The following ATP8A2 variants were observed in gnomAD, a reference collection of about 807,000 sequenced individuals.
The protein encoded by ATP8A2 is ATPase phospholipid transporting 8A2.
In ATP8A2, 100 loss-of-function variants were observed where a neutral mutation model predicts 165.6. The observed-to-expected ratio is 0.60, with a 90% CI of 0.51 to 0.71. The LOEUF (loss-of-function observed/expected upper bound fraction) is 0.71, where lower values mean the gene tolerates loss of function less well. Among genes scored for constraint, ATP8A2 ranks in the 30% least tolerant of loss-of-function variants. The pLI is 0.00. For missense variants in ATP8A2, 1,227 were observed against 1,479.5 expected, an observed-to-expected ratio of 0.83 and a Z score of 2.80; for synonymous variants, 543 against 548.8, an observed-to-expected ratio of 0.99 and a Z score of 0.15.
chr13:25,892,820 G>T (rs1410800872), intron 33 of ATP8A2, among the ~76,000 whole-genome samples: 7 of 144,036 alleles, frequency 4.9e-5, no homozygotes, highest in African/African-American at 1.6e-4. Context: ...TTTTTTTTTC[G>T]CATCAAAATG....
chr13:25,663,372 G>A (rs1330231209), intron 24 of ATP8A2, among the ~76,000 whole-genome samples: 1 of 152,048 alleles, frequency 6.6e-6, no homozygotes, highest in Non-Finnish European at 1.5e-5. Context: ...TTCGATTGCT[G>A]GGCAAATCTC....
At chr13:25,450,742 A>G (rs952934037) in intron 1 of ATP8A2, among the ~76,000 whole-genome samples, 1 of 152,096 alleles carries the variant, frequency 6.6e-6, no homozygotes, top group Non-Finnish European at 1.5e-5. Flanking sequence ...CATGTTAGCC[A>G]GGATGGTCTC....
At chr13:25,580,827 C>T (rs769404766) in intron 22 of ATP8A2, among the ~76,000 whole-genome samples, 1 of 152,184 alleles carries the variant, frequency 6.6e-6, no homozygotes, top group Non-Finnish European at 1.5e-5. Flanking sequence ...AGGTGTGAGC[C>T]ACCATGTCTG....
intron 33 of ATP8A2, among the ~76,000 whole-genome samples, chr13:25,907,704 A>G (rs1953986024): frequency 6.6e-6 from 1 of 152,038 alleles, no homozygotes; most frequent in Non-Finnish European, 1.5e-5. Flanking sequence ...TCTTTTTCCC[A>G]TCTTTGCCAT....
At chr13:25,881,581 GAGAGAGAGAGAGAA>G (rs1425189716) in intron 33 of ATP8A2, among the ~76,000 whole-genome samples, 8 of 150,102 alleles carry the variant, frequency 5.3e-5, no homozygotes, top group Admixed American at 2.6e-4. Flanking sequence ...CCTCCATGGA[GAGAGAGAGAGAGAA>G]AGAGAGAGAG....
At chr13:25,762,549 G>A (rs1253192021) in intron 25 of ATP8A2, among the ~76,000 whole-genome samples, 1 of 152,038 alleles carries the variant, frequency 6.6e-6, no homozygotes, top group Non-Finnish European at 1.5e-5. Flanking sequence ...CTGCTCCTAG[G>A]TCTGTTGTTT....
chr13:25,551,690 G>A (rs1344343599), intron 11 of ATP8A2, among the ~76,000 whole-genome samples, 187 bp downstream of exon 11: 1 of 152,080 alleles, frequency 6.6e-6, no homozygotes, highest in East Asian at 1.9e-4. Context: ...GCACATTTGG[G>A]ACTTGTCTTA....
At chr13:25,530,693 G>T (rs192804534) in intron 4 of ATP8A2, 33 bp downstream of exon 4, 1 of 1,263,282 alleles carries the variant, frequency 7.9e-7, no homozygotes, top group South Asian at 1.3e-5. Context: ...TAAAATCATT[G>T]TATGCAGTAG....
intron 33 of ATP8A2, among the ~76,000 whole-genome samples, chr13:25,912,868 C>T (rs1954159393): frequency 6.6e-6 from 1 of 152,150 alleles, no homozygotes; most frequent in Non-Finnish European, 1.5e-5. Flanking sequence ...GTGGTTATGA[C>T]AGCCCAATCT....
intron 33 of ATP8A2, among the ~76,000 whole-genome samples, chr13:25,883,464 CTG>C (rs1484510141): frequency 6.6e-6 from 1 of 152,130 alleles, no homozygotes; most frequent in Non-Finnish European, 1.5e-5. Context: ...TGATTACAAA[CTG>C]GGGTGTGTGC....
intron 2 of ATP8A2, among the ~76,000 whole-genome samples, chr13:25,519,710 G>C (rs1249498014): frequency 6.6e-6 from 1 of 152,114 alleles, no homozygotes; most frequent in South Asian, 2.1e-4. Flanking sequence ...GCCCCTCCTT[G>C]CTGTGACTAG....
chr13:25,817,071 A>G (rs1357953498), intron 27 of ATP8A2, among the ~76,000 whole-genome samples: 3 of 152,168 alleles, frequency 2.0e-5, no homozygotes, highest in Non-Finnish European at 4.4e-5. Context: ...CAACACCAGG[A>G]GGTTGGAAAC....
chr13:25,718,511 G>A (rs2043304257), intron 25 of ATP8A2, among the ~76,000 whole-genome samples: 1 of 152,140 alleles, frequency 6.6e-6, no homozygotes, highest in Non-Finnish European at 1.5e-5. Context: ...AGAGCCAGTA[G>A]GCTGTTATTT....
intron 36 of ATP8A2, among the ~76,000 whole-genome samples, chr13:26,015,997 G>A (rs1566355383): frequency 6.6e-6 from 1 of 152,202 alleles, no homozygotes; most frequent in Non-Finnish European, 1.5e-5. Context: ...CTGGTTGAGG[G>A]GTGATGGTGT....
At chr13:26,006,036 GCAAA>G (rs565517181) in intron 35 of ATP8A2, among the ~76,000 whole-genome samples, 2 of 151,638 alleles carry the variant, frequency 1.3e-5, no homozygotes, top group South Asian at 2.1e-4. Context: ...TTCTATCTTT[GCAAA>G]CAAACAAACA....
At chr13:25,712,101 A>G (rs563850291) in intron 25 of ATP8A2, among the ~76,000 whole-genome samples, 1 of 152,218 alleles carries the variant, frequency 6.6e-6, no homozygotes, top group South Asian at 2.1e-4. Context: ...TAGTCACCAT[A>G]GTGTACAGGG....
chr13:25,718,623 TA>T (rs1400495877), intron 25 of ATP8A2, among the ~76,000 whole-genome samples: 2 of 152,266 alleles, frequency 1.3e-5, no homozygotes, highest in East Asian at 3.9e-4. Context: ...AACAGAATGC[TA>T]AAGAGCCAGC....
intron 25 of ATP8A2, among the ~76,000 whole-genome samples, chr13:25,737,550 A>G (rs1023638977): frequency 1.1e-4 from 16 of 152,224 alleles, no homozygotes; most frequent in South Asian, 6.2e-4. Flanking sequence ...CCCAGGCTGG[A>G]GTGCAGTGGC....
At chr13:25,540,081 C>T (rs1294906183) in intron 7 of ATP8A2, among the ~76,000 whole-genome samples, 1 of 152,160 alleles carries the variant, frequency 6.6e-6, no homozygotes, top group Admixed American at 6.5e-5. Context: ...GCTCAGCAGT[C>T]ATTATGTGGG....
Sources: gnomAD v4.1 joint callset for allele counts (sites outside exome capture counted in the v4.1 genomes callset) on GRCh38, gnomAD v4.1.1 for gene constraint, MANE v1.5 for transcripts, NCBI Gene and HGNC (gene_info 2026-07-23, HGNC 2026-07-21) for gene names.